SCRN2: variants seen among roughly 807,000 people sequenced by gnomAD.
SCRN2 encodes secernin 2.
Under a neutral mutation model 40.1 loss-of-function variants are expected in SCRN2, and 30 were observed. The ratio of observed to expected loss-of-function variants is 0.75; its 90% CI spans 0.56 to 1.01. The LOEUF (loss-of-function observed/expected upper bound fraction) is 1.01, where lower values mean the gene tolerates loss of function less well. Ranked by LOEUF, SCRN2 falls within the 50% of genes least tolerant of loss-of-function variation. The pLI is 0.00. For synonymous variants in SCRN2, 240 were observed against 233.5 expected (o/e 1.03, Z -0.25); for missense variants, 526 against 564.9 (o/e 0.93, Z 0.70).
Position 47,840,569 on chromosome 17 carries a change from C to T in SCRN2, c.174+101G>A, listed in dbSNP as rs1446307172. 9.5e-6 allele frequency: 13 copies of T among 1,368,840 alleles called. No homozygotes were observed. The East Asian group carries it at 3.3e-4, about 35-fold the overall frequency. 84.8% of individuals were successfully genotyped at this position (1,368,840 alleles called of 1,614,324 possible). On this transcript the variant is annotated intron_variant, in intron 2 of 7. Transcript: ENST00000290216. ...TAGACCTAAAGCTCATGCTCTTCCACTACTTCTGGCAGCCTCCCAGGTGTG... is the reference window on the plus strand; with the variant it reads ...TAGACCTAAAGCTCATGCTCTTCCATTACTTCTGGCAGCCTCCCAGGTGTG...
chr17:47,839,230 C>A (rs1345113490), intron 4 of SCRN2, among the ~76,000 whole-genome samples: 1 of 152,160 alleles, frequency 6.6e-6, no homozygotes, highest in African/African-American at 2.4e-5. Context: ...AAGCAGGAAA[C>A]CTGACCACCC....
chr17:47,838,272 G>T lies in SCRN2; in HGVS notation c.1117C>A (p.Gln373Lys). 2.5e-6 allele frequency: 4 copies of T among 1,589,124 alleles called. No homozygotes were observed. The highest frequency in any genetic ancestry group is 3.4e-6 in the Non-Finnish European group (4 of 1,171,258). ...AGCCCCTACTCCCTGGGGGATACCTGATCTCTCTCCATCAGCCCCAGGGCT... is the reference window on the plus strand; with the variant it reads ...AGCCCCTACTCCCTGGGGGATACCTTATCTCTCTCCATCAGCCCCAGGGCT... Reference protein sequence around the residue: ...QAALGLMERDQDRGQQLQQKQ... With the variant: ...QAALGLMERDKDRGQQLQQKQ... The change falls in exon 7 of 8, where the codon CAG becomes AAG. Residue 373 changes from glutamine to lysine, a missense_variant and splice_region_variant. Physicochemically the swap from Gln to Lys is moderately conservative, Grantham distance 53. Coordinates refer to ENST00000290216, the MANE Select transcript of SCRN2 (RefSeq NM_138355.4).
chr17:47,840,318 G>C lies in SCRN2; in HGVS notation c.229C>G (p.Arg77Gly). The change falls in exon 3 of 8, where the codon CGT becomes GGT. Residue 77 changes from arginine to glycine, a missense_variant. Physicochemically the swap from Arg to Gly is moderately radical, Grantham distance 125. Coordinates refer to ENST00000290216, the MANE Select transcript of SCRN2 (RefSeq NM_138355.4). ...TCAGCCCCCCATAGCCAAGAAGGACGGCTCAGAATCACAGCGTGCGTCTTC... is the reference window on the plus strand; with the variant it reads ...TCAGCCCCCCATAGCCAAGAAGGACCGCTCAGAATCACAGCGTGCGTCTTC... ...VSKTHAVILSRPSWLWGAEMG... is the reference protein window; with the variant it reads ...VSKTHAVILSGPSWLWGAEMG... 1.2e-6 allele frequency: 2 copies of C among 1,614,198 alleles called. No individual in the cohort carries two copies. Among genetic ancestry groups the C allele is most frequent in the Non-Finnish European group, 8.5e-7 (1 of 1,180,042 alleles).
Position 47,837,944 on chromosome 17 carries a change from G to T in SCRN2, c.1178C>A (p.Ala393Asp). 6.2e-7 allele frequency: 1 copy of T among 1,606,474 alleles called. No homozygotes were observed. The highest frequency in any genetic ancestry group is 8.5e-7 in the Non-Finnish European group (1 of 1,179,352). ...CTCGCCGGCCAGCAGCCCCTGTGTG[G>T]CCTCGAGGCCTTCCTGCTCCAGATC... ...QQDLEQEGLE[A>D]TQGLLAGEWA... is the part of the protein sequence containing the mutation. Residue 393 changes from alanine to aspartate, a missense_variant, in exon 8 of 8, where the codon GCC becomes GAC. Ala to Asp is a moderately radical substitution (Grantham distance 126, BLOSUM62 -2). Transcript: ENST00000290216.
intron 3 of SCRN2, 133 bp from the exon 4 acceptor site, chr17:47,839,776 C>A: frequency 2.3e-6 from 2 of 864,840 alleles, no homozygotes; most frequent in Non-Finnish European, 3.7e-6. Context: ...TCTGCTGGCA[C>A]TGATCGTATC....
rs774807896 is a variant in SCRN2, at chr17:47,838,695, C to T, written c.774G>A (p.Gly258=). ...CCATCATCACCTCTGCCGTGATGCC[C>T]CCTGCCAAGGAGTAGAGGGGGAAGC... ...AGRELLRQRQ[G]GITAEVMMGI... Residue 258 remains glycine (G), a splice_region_variant and synonymous_variant, in exon 6 of 8, where the codon GGG becomes GGA. Transcript: ENST00000290216. The T allele has an allele frequency of 2.0e-5, 32 of 1,613,448 alleles. No individual in the cohort carries two copies. The highest frequency in any genetic ancestry group is 2.7e-5 in the Non-Finnish European group (32 of 1,179,732).
In SCRN2 at chr17:47,838,870, G is replaced by A. The variant is rs761183002; in HGVS notation, c.693C>T (p.Ser231=). 1 of 1,613,744 alleles carries A rather than the reference G, an allele frequency of 6.2e-7. No homozygotes were observed. Among genetic ancestry groups the A allele is most frequent in the Non-Finnish European group, 8.5e-7 (1 of 1,180,042 alleles). The change falls in exon 5 of 8, where the codon TCC becomes TCT. Residue 231 remains serine, a synonymous_variant. Coordinates refer to ENST00000290216, the MANE Select transcript of SCRN2 (RefSeq NM_138355.4). ...QGAFDFAQIF[S]LTQQPVRMEA... ...CCATGCGCACAGGCTGCTGGGTCAG[G>A]GAGAAGATCTGAGCAAAGTCAAAGG...
chr17:47,839,387 T>A, intron 4 of SCRN2, 57 bp downstream of exon 4: 1 of 1,580,250 alleles, frequency 6.3e-7, no homozygotes, highest in Non-Finnish European at 8.6e-7. Context: ...ATCGGGCCCC[T>A]CCCTGCCCCT....
rs1482114143 is a variant in SCRN2, at chr17:47,839,899, A to G, written c.357-256T>C. ...AGAGAGAGAAGTGTCCTGAGCCCCT[A>G]ACCTCTCTCCACCCAGAGCTGCTCC... On this transcript the variant is annotated intron_variant, in intron 3 of 7. Transcript: ENST00000290216. 4 of 596,268 alleles carry G rather than the reference A, an allele frequency of 6.7e-6. No individual in the cohort carries two copies. In the African/African-American group the frequency reaches 7.4e-5, roughly 11 times the overall value. The allele number at this position is 596,268 out of a possible 1,614,324, so 36.9% of individuals were successfully genotyped here.
rs61745061 is a variant in SCRN2, at chr17:47,837,963, C to G, written c.1159G>C (p.Glu387Gln). The change falls in exon 8 of 8, where the codon GAG becomes CAG. Residue 387 changes from glutamate (E) to glutamine (Q), a missense_variant. Transcript: ENST00000290216. The stretch of plus-strand genomic sequence containing the variant: ...TGTGTGGCCTCGAGGCCTTCCTGCT[C>G]CAGATCCTGCTGTTTCTGCTGGAGC... ...QQLQQKQQDL[E>Q]QEGLEATQGL... 2.5e-6 allele frequency: 4 copies of G among 1,607,530 alleles called. No individual in the cohort carries two copies. In the African/African-American group the frequency reaches 5.3e-5, roughly 21 times the overall value.
chr17:47,839,369 G>T, intron 4 of SCRN2, 75 bp downstream of exon 4: 1 of 1,474,430 alleles, frequency 6.8e-7, no homozygotes, highest in Non-Finnish European at 9.3e-7. Context: ...TGACAGGCTT[G>T]CACCTGGATC....
rs1306078512 is a variant in SCRN2, at chr17:47,838,385, G to A, written c.1004C>T (p.Thr335Ile). ...VAQAPQVLSP[T>I]FGAQDPVRTL... ...CCGAACAGGGTCTTGTGCTCCAAAA[G>A]TGGGGGACAGCACCTGGGGGGCCTG... is the stretch of plus-strand genomic sequence containing the variant. Residue 335 changes from threonine to isoleucine, a missense_variant, in exon 7 of 8, where the codon ACT becomes ATT. Thr to Ile is a moderately conservative substitution (Grantham distance 89, BLOSUM62 -1). Transcript: ENST00000290216. 2 of 1,609,456 alleles carry A rather than the reference G, an allele frequency of 1.2e-6. No homozygotes were observed. The highest frequency in any genetic ancestry group is 3.3e-4 in the Middle Eastern group (2 of 6,016).
Position 47,840,271 on chromosome 17 carries a change from A to G in SCRN2, c.276T>C (p.Gly92=), listed in dbSNP as rs2033793813. The part of the protein sequence containing the change: ...WGAEMGANEH[G]VCIGNEAVWT... ...ACACAGCCTCGTTGCCAATGCAGAC[A>G]CCATGCTCGTTGGCGCCCATCTCAG... Residue 92 remains glycine (G), a synonymous_variant, in exon 3 of 8, where the codon GGT becomes GGC. Transcript: ENST00000290216. The G allele has an allele frequency of 6.2e-7, 1 of 1,614,090 alleles. No homozygotes were observed. The highest frequency in any genetic ancestry group is 1.3e-5 in the African/African-American group (1 of 74,952).
In SCRN2 at chr17:47,838,796, C is replaced by T. The variant is rs769284762; in HGVS notation, c.767G>A (p.Arg256Gln). 22 of 1,612,598 alleles carry T rather than the reference C, an allele frequency of 1.4e-5. No individual in the cohort carries two copies. The highest frequency in any genetic ancestry group is 2.7e-5 in the African/African-American group (2 of 74,940). ...CCCCTCCACCGTTCACTAACCTTGC[C>T]GTTGCCGCAGCAGCTCCCGCCCTGC... Reference protein sequence around the residue: ...FQAGRELLRQRQGGITAEVMM... With the variant: ...FQAGRELLRQQQGGITAEVMM... Residue 256 changes from arginine (R) to glutamine (Q), a missense_variant, in exon 5 of 8, where the codon CGG becomes CAG. Transcript: ENST00000290216.
In SCRN2 at chr17:47,840,217, T is replaced by A; in HGVS notation, c.330A>T (p.Glu110Asp). The A allele has an allele frequency of 6.2e-7, 1 of 1,613,826 alleles. No individual in the cohort carries two copies. The highest frequency in any genetic ancestry group is 2.2e-5 in the East Asian group (1 of 44,886). Reference sequence around the variant, plus strand: ...TGAGTAGGTCCATGCCCAGCAGGGCTTCCCCCTCCCCAACTGGCTCCTTCG... The same window carrying A: ...TGAGTAGGTCCATGCCCAGCAGGGCATCCCCCTCCCCAACTGGCTCCTTCG... ...VWTKEPVGEG[E>D]ALLGMDLLRL... Residue 110 changes from glutamate (E) to aspartate (D), a missense_variant, in exon 3 of 8, where the codon GAA (glutamate) becomes GAT (aspartate). Physicochemically the swap from Glu to Asp is conservative, Grantham distance 45 (BLOSUM62 2). Transcript: ENST00000290216.
chr17:47,837,972 G>C lies in SCRN2; in HGVS notation c.1150C>G (p.Gln384Glu), dbSNP rs143275072. The C allele has an allele frequency of 6.2e-7, 1 of 1,607,556 alleles. No individual in the cohort carries two copies. Among genetic ancestry groups the C allele is most frequent in the Non-Finnish European group, 8.5e-7 (1 of 1,179,672 alleles). ...TCGAGGCCTTCCTGCTCCAGATCCT[G>C]CTGTTTCTGCTGGAGCTGCTGCCCC... The part of the protein sequence containing the change: ...DRGQQLQQKQ[Q>E]DLEQEGLEAT... Residue 384 changes from glutamine to glutamate, a missense_variant, in exon 8 of 8, where the codon CAG becomes GAG. Coordinates refer to ENST00000290216, the MANE Select transcript of SCRN2 (RefSeq NM_138355.4).
In SCRN2 at chr17:47,838,216, G is replaced by A. The variant is rs201552460; in HGVS notation, c.1119+54C>T. 9 of 1,569,812 alleles carry A rather than the reference G, an allele frequency of 5.7e-6. No individual in the cohort carries two copies. In the East Asian group the frequency reaches 6.8e-5, roughly 12 times the overall value. ...CTTCATATTTCCAGAGTCCCACTGG[G>A]AGTGGGGGAGGTCTATCATCCCCTC... On this transcript the variant is annotated intron_variant, in intron 7 of 7. Coordinates refer to ENST00000290216, the MANE Select transcript of SCRN2 (RefSeq NM_138355.4).
Position 47,840,388 on chromosome 17 carries a change from G to C in SCRN2, c.175-16C>G, listed in dbSNP as rs2033797379. ...TGTAGGTGCACTGGAGGTGAGGGAG[G>C]AGAAAGGAAGCGTCCACTCATAGAG... On this transcript the variant is annotated splice_polypyrimidine_tract_variant and intron_variant, in intron 2 of 7. Transcript: ENST00000290216. The C allele has an allele frequency of 6.2e-7, 1 of 1,612,800 alleles. No individual in the cohort carries two copies. The highest frequency in any genetic ancestry group is 1.1e-5 in the South Asian group (1 of 91,062).
Position 47,838,955 on chromosome 17 carries a change from G to A in SCRN2, c.608C>T (p.Ala203Val). 4 of 1,614,054 alleles carry A rather than the reference G, an allele frequency of 2.5e-6. No homozygotes were observed. The highest frequency in any genetic ancestry group is 1.1e-5 in the South Asian group (1 of 91,092). Residue 203 changes from alanine to valine, a missense_variant, in exon 5 of 8, where the codon GCC (alanine) becomes GTC (valine). By Grantham distance (64) the Ala-to-Val change is moderately conservative. Coordinates refer to ENST00000290216, the MANE Select transcript of SCRN2 (RefSeq NM_138355.4). ...NQLSIGTDISAQHPELRTHAQ... is the reference protein window; with the variant it reads ...NQLSIGTDISVQHPELRTHAQ... ...ATGAGTCCGCAGCTCCGGGTGTTGG[G>A]CCGAGATGTCCGTGCCAATGCTCAG... is the stretch of plus-strand genomic sequence containing the variant.
Sources: allele counts gnomAD v4.1 joint callset (sites outside exome capture counted in the v4.1 genomes callset), GRCh38; gene constraint gnomAD v4.1.1; transcripts MANE v1.5; gene names NCBI Gene and HGNC (gene_info 2026-07-23, HGNC 2026-07-21).